The following LOXHD1 variants were observed in gnomAD, a reference collection of about 807,000 sequenced individuals.
LOXHD1 encodes lipoxygenase homology PLAT domains 1.
In LOXHD1, 205 loss-of-function variants were observed where a neutral mutation model predicts 248.2. The observed-to-expected ratio is 0.83, with a 90% CI of 0.74 to 0.93. The LOEUF (loss-of-function observed/expected upper bound fraction) is 0.93. LOXHD1 is among the 40% of genes least tolerant of loss of function. The pLI is 0.00. For missense variants in LOXHD1, 2,930 were observed against 2,971.6 expected, an observed-to-expected ratio of 0.99 and a Z score of 0.33; for synonymous variants, 1,113 against 1,162.8, an observed-to-expected ratio of 0.96 and a Z score of 0.87.
intron 25 of LOXHD1, among the ~76,000 whole-genome samples, chr18:46,539,267 C>T (rs142699994): frequency 0.017 from 2,562 of 152,272 alleles, 69 homozygotes; most frequent in African/African-American, 0.057. Context: ...TCAAGACCAG[C>T]CCGGCCAACA....
chr18:46,598,704 A>C (rs1202279001), intron 8 of LOXHD1, among the ~76,000 whole-genome samples: 1 of 152,184 alleles, frequency 6.6e-6, no homozygotes, highest in Non-Finnish European at 1.5e-5. Flanking sequence ...TACCACTTAT[A>C]ATAGTAACAA....
chr18:46,520,194 G>A, intron 33 of LOXHD1: 1 of 461,490 alleles, frequency 2.2e-6, no homozygotes, highest in Non-Finnish European at 4.4e-6. Flanking sequence ...GCAGGAGAGT[G>A]GCAGGCCCCC....
chr18:46,618,010 A>T (rs2038613776), intron 5 of LOXHD1, among the ~76,000 whole-genome samples, 182 bp downstream of exon 5: 1 of 152,152 alleles, frequency 6.6e-6, no homozygotes. Context: ...AAACTTTACA[A>T]CACAAAATGA....
intron 6 of LOXHD1, among the ~76,000 whole-genome samples, chr18:46,605,419 C>CTGACGT: frequency 6.6e-6 from 1 of 152,148 alleles, no homozygotes; most frequent in African/African-American, 2.4e-5. Flanking sequence ...CTCAGCTACG[C>CTGACGT]AGGAGAATGG....
Position 46,505,945 on chromosome 18 carries a change from G to A in LOXHD1, c.5771C>T (p.Ser1924Leu), listed in dbSNP as rs886053825. The A allele has an allele frequency of 2.3e-5, 35 of 1,552,022 alleles. No individual in the cohort carries two copies. Among genetic ancestry groups the A allele is most frequent in the Non-Finnish European group, 2.7e-5 (31 of 1,147,096 alleles). Residue 1924 changes from serine (S) to leucine (L), a missense_variant, in exon 37 of 41, where the codon TCG (serine) becomes TTG (leucine). By Grantham distance (145) the Ser-to-Leu change is moderately radical. Coordinates refer to ENST00000642948, the MANE Select transcript of LOXHD1 (RefSeq NM_001384474.1). The stretch of plus-strand genomic sequence containing the variant: ...CCGCTCAAACTTGTTCCAGTTTGCC[G>A]ACTGCTTCAGGGCCAGTGTCCCACT... ...GDSGTLALKQSANWNKFERNN... is the reference protein window; with the variant it reads ...GDSGTLALKQLANWNKFERNN...
chr18:46,560,057 A>AACCCCCCCCC, intron 19 of LOXHD1, 26 bp downstream of exon 19: 1 of 261,646 alleles, frequency 3.8e-6, no homozygotes, highest in Non-Finnish European at 6.5e-6. Flanking sequence ...CTCCCTCCCC[A>AACCCCCCCCC]CCCCCACCCC....
rs75212998 is a variant in LOXHD1 at position 46,515,795 on chromosome 18, G to A, written c.5399+2334C>T. Among the ~76,000 whole-genome samples, 1,090 of 152,250 alleles carry A rather than the reference G, an allele frequency of 7.2e-3. 4 individuals carry two copies. The highest frequency in any genetic ancestry group is 0.025 in the African/African-American group (1,042 of 41,526). On this transcript the variant is annotated intron_variant, in intron 34 of 40. Coordinates refer to ENST00000642948, the MANE Select transcript of LOXHD1 (RefSeq NM_001384474.1). ...AACTCTGAGCTGCCTCCTCTGCAGC[G>A]ACCATCCCAAGAAACCACGGTCTCT...
intron 13 of LOXHD1, 139 bp from the exon 14 acceptor site, chr18:46,578,006 C>A: frequency 2.4e-6 from 2 of 834,760 alleles, no homozygotes; most frequent in Non-Finnish European, 3.8e-6. Flanking sequence ...GGGACAGGAG[C>A]TACCTATAAA....
At chr18:46,509,290 C>T (rs920944988) in intron 35 of LOXHD1, among the ~76,000 whole-genome samples, 2 of 152,074 alleles carry the variant, frequency 1.3e-5, no homozygotes, top group South Asian at 2.1e-4. Flanking sequence ...TGCCTAACTC[C>T]GTGATCACAG....
chr18:46,513,520 A>G (rs1264723771), intron 34 of LOXHD1, among the ~76,000 whole-genome samples: 1 of 152,236 alleles, frequency 6.6e-6, no homozygotes, highest in African/African-American at 2.4e-5. Context: ...AGATCAACAC[A>G]TACACAAAAG....
chr18:46,520,991 C>A (rs560233976), intron 33 of LOXHD1, 106 bp downstream of exon 33: 33 of 1,337,492 alleles, frequency 2.5e-5, no homozygotes, highest in Admixed American at 4.3e-5. Flanking sequence ...TGCGGATGCC[C>A]CAGTGATGAG....
chr18:46,576,997 A>G (rs1349011574), intron 14 of LOXHD1, among the ~76,000 whole-genome samples: 2 of 152,180 alleles, frequency 1.3e-5, no homozygotes, highest in Non-Finnish European at 2.9e-5. Flanking sequence ...AGCCCTAATA[A>G]AGTGGACACA....
chr18:46,524,942 CAT>C, intron 29 of LOXHD1, 25 bp from the exon 30 acceptor site: 10 of 1,551,156 alleles, frequency 6.4e-6, no homozygotes, highest in Non-Finnish European at 8.7e-6. Flanking sequence ...TGTGGGGACT[CAT>C]ATGGGGGTGT....
chr18:46,538,618 C>A (rs1170235337), intron 25 of LOXHD1, among the ~76,000 whole-genome samples: 1 of 152,212 alleles, frequency 6.6e-6, no homozygotes, highest in Non-Finnish European at 1.5e-5. Context: ...TGGTTGAAAG[C>A]ACAGGCTTCA....
chr18:46,547,955 C>T lies in LOXHD1; in HGVS notation c.3351-897G>A, dbSNP rs188308362. Among the ~76,000 whole-genome samples the T allele has an allele frequency of 1.8e-3, 268 of 152,274 alleles. 1 individual carries two copies. Among genetic ancestry groups the T allele is most frequent in the Middle Eastern group, 3.4e-3 (1 of 294 alleles). ...CAACCCTACTCTGTGCCTCAGTGTA[C>T]CATAAAATAAGCATAATATTGCCTA... On this transcript the variant is annotated intron_variant, in intron 21 of 40. Transcript: ENST00000642948.
chr18:46,576,366 A>T (rs2037854963), intron 14 of LOXHD1, among the ~76,000 whole-genome samples: 1 of 151,824 alleles, frequency 6.6e-6, no homozygotes, highest in Non-Finnish European at 1.5e-5. Context: ...ATGAGGGTTC[A>T]CACTCCACCC....
chr18:46,636,808 G>A (rs1824383809), intron 4 of LOXHD1, among the ~76,000 whole-genome samples: 1 of 152,200 alleles, frequency 6.6e-6, no homozygotes, highest in Admixed American at 6.5e-5. Context: ...AATTTCAGGT[G>A]AAAAGCAAAG....
At chr18:46,480,371 T>A (rs1203434932) in intron 40 of LOXHD1, among the ~76,000 whole-genome samples, 1 of 152,172 alleles carries the variant, frequency 6.6e-6, no homozygotes, top group Non-Finnish European at 1.5e-5. Context: ...CATATGGGGA[T>A]GTCAGTGTTC....
At position 46,491,639 on chromosome 18, in the gene LOXHD1, C is replaced by T. The variant is rs141134094; in HGVS notation, c.5879-2497G>A. Among the ~76,000 whole-genome samples, 36 of 152,244 alleles carry T rather than the reference C, an allele frequency of 2.4e-4. No individual in the cohort carries two copies. In the East Asian group the frequency reaches 4.1e-3, roughly 17 times the overall value. On this transcript the variant is annotated intron_variant, in intron 37 of 40. Transcript: ENST00000642948. ...CATTACCTGGAGACGTGGGCCATCA[C>T]GAGATTTTTTCTGTTGCTGGAATGC...
Sources: allele counts gnomAD v4.1 joint callset (sites outside exome capture counted in the v4.1 genomes callset), GRCh38; gene constraint gnomAD v4.1.1; transcripts MANE v1.5; gene names NCBI Gene and HGNC (gene_info 2026-07-23, HGNC 2026-07-21).